The following TESMIN variants were observed in gnomAD, a reference collection of about 807,000 sequenced individuals.
TESMIN encodes the protein testis expressed metallothionein like protein.
A neutral mutation model predicts 47.4 loss-of-function variants in TESMIN; 34 were observed. The ratio of observed to expected loss-of-function variants is 0.72; its 90% confidence interval spans 0.55 to 0.96. The LOEUF is 0.96. Among genes scored for constraint, TESMIN ranks in the 40% least tolerant of loss-of-function variants. The pLI is 0.00. For synonymous variants in TESMIN, 278 were observed against 258.9 expected, an observed-to-expected ratio of 1.07 and a Z score of -0.71; for missense variants, 610 against 637.2, an observed-to-expected ratio of 0.96 and a Z score of 0.46.
chr11:68,740,850 A>T (rs1946447453), intron 5 of TESMIN, among the ~76,000 whole-genome samples: 1 of 152,038 alleles, frequency 6.6e-6, no homozygotes, highest in Non-Finnish European at 1.5e-5. Flanking sequence ...CTAAACTCCT[A>T]CGCAACATCT....
At chr11:68,716,526 G>A (rs548973037) in intron 6 of TESMIN, among the ~76,000 whole-genome samples, 5 of 152,356 alleles carry the variant, frequency 3.3e-5, no homozygotes, top group South Asian at 4.1e-4. Context: ...AGGGTTGTTC[G>A]AGAATCCTGA....
chr11:68,708,534 C>G, intron 9 of TESMIN, 34 bp from the exon 10 acceptor site: 1 of 1,550,446 alleles, frequency 6.4e-7, no homozygotes, highest in Non-Finnish European at 8.7e-7. Context: ...GGCCGCTCAA[C>G]AGTGCACCAT....
chr11:68,723,969 T>C (rs1946232348), intron 6 of TESMIN, among the ~76,000 whole-genome samples: 1 of 152,174 alleles, frequency 6.6e-6, no homozygotes, highest in Non-Finnish European at 1.5e-5. Flanking sequence ...AAATAAATCC[T>C]ACCTTACCCA....
intron 6 of TESMIN, among the ~76,000 whole-genome samples, chr11:68,730,531 A>G (rs1214840774): frequency 2.0e-5 from 3 of 152,242 alleles, no homozygotes; most frequent in African/African-American, 7.2e-5. Context: ...GCAGTGACTC[A>G]TGCCTGTAAT....
chr11:68,716,572 C>T (rs534828381), intron 6 of TESMIN, among the ~76,000 whole-genome samples: 1 of 152,342 alleles, frequency 6.6e-6, no homozygotes, highest in African/African-American at 2.4e-5. Flanking sequence ...ACCACCATGC[C>T]CTGTGACTCC....
chr11:68,724,302 A>G (rs774614120), intron 6 of TESMIN, among the ~76,000 whole-genome samples: 15 of 152,238 alleles, frequency 9.9e-5, no homozygotes, highest in Non-Finnish European at 2.1e-4. Context: ...AAGGCACTCA[A>G]TAAAATTCAC....
At chr11:68,726,359 G>T (rs1046388152) in intron 6 of TESMIN, among the ~76,000 whole-genome samples, 5 of 152,126 alleles carry the variant, frequency 3.3e-5, no homozygotes, top group Admixed American at 3.3e-4. Context: ...ATCCAAGTTG[G>T]AAGTGCCACC....
intron 6 of TESMIN, among the ~76,000 whole-genome samples, chr11:68,728,254 C>T (rs944131504): frequency 3.9e-5 from 6 of 152,158 alleles, no homozygotes; most frequent in Non-Finnish European, 7.4e-5. Context: ...AGTGAACACA[C>T]AAATTATAAG....
At chr11:68,726,499 T>C (rs551592031) in intron 6 of TESMIN, among the ~76,000 whole-genome samples, 33 of 152,126 alleles carry the variant, frequency 2.2e-4, no homozygotes, top group African/African-American at 7.0e-4. Context: ...ATATGTGAGG[T>C]TCCAAGCCAT....
At chr11:68,723,673 T>G (rs1298779361) in intron 6 of TESMIN, among the ~76,000 whole-genome samples, 1 of 152,014 alleles carries the variant, frequency 6.6e-6, no homozygotes, top group African/African-American at 2.4e-5. Flanking sequence ...CTAGAACTGA[T>G]CGAGAAAGTC....
chr11:68,710,859 G>C lies in TESMIN; in HGVS notation c.1334+15C>G. On this transcript the variant is annotated intron_variant, in intron 9 of 9. Coordinates refer to ENST00000255087, the MANE Select transcript of TESMIN (RefSeq NM_004923.3). ...CTGTTCCCTCTATTAGCAGAGGTTA[G>C]TTCAAAGTACCTACCTATCGTGACT... 3 of 1,600,710 alleles carry C rather than the reference G, an allele frequency of 1.9e-6. No individual in the cohort carries two copies. The highest frequency in any genetic ancestry group is 2.6e-6 in the Non-Finnish European group (3 of 1,174,316).
At chr11:68,747,572 T>C (rs1946538078) in intron 2 of TESMIN, among the ~76,000 whole-genome samples, 1 of 152,206 alleles carries the variant, frequency 6.6e-6, no homozygotes, top group Admixed American at 6.5e-5. Context: ...TGCTGTGAGC[T>C]GAGACAGTGC....
chr11:68,725,028 G>T (rs1329916281), intron 6 of TESMIN, among the ~76,000 whole-genome samples: 1 of 152,146 alleles, frequency 6.6e-6, no homozygotes, highest in Admixed American at 6.5e-5. Flanking sequence ...GATGGGGAAG[G>T]TATCACGGTC....
chr11:68,721,562 C>T (rs535831677), intron 6 of TESMIN, among the ~76,000 whole-genome samples: 3 of 152,330 alleles, frequency 2.0e-5, no homozygotes, highest in African/African-American at 4.8e-5. Context: ...GGGACCGTAA[C>T]TCTCTTGCTC....
intron 7 of TESMIN, among the ~76,000 whole-genome samples, chr11:68,714,484 T>C (rs1946110904): frequency 6.6e-6 from 1 of 152,232 alleles, no homozygotes; most frequent in African/African-American, 2.4e-5. Flanking sequence ...GGAATGCTCT[T>C]CAGACATAGA....
At chr11:68,718,428 T>A (rs775975774) in intron 6 of TESMIN, among the ~76,000 whole-genome samples, 14 of 152,128 alleles carry the variant, frequency 9.2e-5, no homozygotes, top group Non-Finnish European at 2.1e-4. Flanking sequence ...AGCAAAAAAG[T>A]AATCACAGTG....
intron 9 of TESMIN, among the ~76,000 whole-genome samples, chr11:68,709,060 T>C (rs916838988): frequency 1.0e-3 from 137 of 135,216 alleles, no homozygotes; most frequent in Non-Finnish European, 1.4e-3. Context: ...GGAGACCCTG[T>C]CTTAAAAAAA....
intron 5 of TESMIN, among the ~76,000 whole-genome samples, chr11:68,741,908 T>C (rs1946461830): frequency 6.6e-6 from 1 of 152,266 alleles, no homozygotes; most frequent in South Asian, 2.1e-4. Context: ...ATTTGTCCTC[T>C]ACTTTTATGT....
At chr11:68,731,713 G>A (rs533163339) in intron 6 of TESMIN, among the ~76,000 whole-genome samples, 8 of 152,338 alleles carry the variant, frequency 5.3e-5, no homozygotes, top group East Asian at 1.9e-4. Context: ...CCTGAACCAA[G>A]TGTCTCCACA....
Sources: gnomAD v4.1 joint callset for allele counts (sites outside exome capture counted in the v4.1 genomes callset) on GRCh38, gnomAD v4.1.1 for gene constraint, MANE v1.5 for transcripts, NCBI Gene and HGNC (gene_info 2026-07-23, HGNC 2026-07-21) for gene names.